DDX19B: variants seen among roughly 807,000 people sequenced by gnomAD.
DDX19B encodes ATP-dependent RNA helicase DDX19B.
In DDX19B, 27 loss-of-function variants were observed where a neutral mutation model predicts 58.1. The ratio of observed to expected loss-of-function variants is 0.46; its 90% CI spans 0.34 to 0.64. The LOEUF (loss-of-function observed/expected upper bound fraction) is 0.64. Among genes scored for constraint, DDX19B ranks in the 30% least tolerant of loss-of-function variants. DDX19B has a pLI of 0.01. For synonymous variants in DDX19B, 187 were observed against 214.4 expected (o/e 0.87, Z 1.12); for missense variants, 399 against 596.5 (o/e 0.67, Z 3.45).
intron 9 of DDX19B, 92 bp from the exon 10 acceptor site, chr16:70,331,630 T>C: frequency 4.7e-6 from 7 of 1,479,758 alleles, no homozygotes; most frequent in Non-Finnish European, 6.3e-6. Context: ...AGGGCCTTCA[T>C]GTATTTTAAT....
At chr16:70,303,564 T>G (rs1961582343) in intron 1 of DDX19B, among the ~76,000 whole-genome samples, 1 of 152,220 alleles carries the variant, frequency 6.6e-6, no homozygotes. Context: ...TTTGTTTGTT[T>G]GTTTGTTTTT....
At chr16:70,314,128 A>G (rs116151273) in intron 2 of DDX19B, among the ~76,000 whole-genome samples, 1,883 of 152,026 alleles carry the variant, frequency 0.012, 31 homozygotes, top group African/African-American at 0.043. Flanking sequence ...AAAAAAATTT[A>G]TATGCATGAA....
upstream of DDX19B, chr16:70,295,200 C>G (rs899116846): frequency 4.7e-6 from 3 of 631,952 alleles, no homozygotes; most frequent in Non-Finnish European, 6.6e-6. Flanking sequence ...CTTTGGAAAC[C>G]AGGTTCCTTC....
chr16:70,307,762 C>T (rs1294203476), intron 1 of DDX19B, among the ~76,000 whole-genome samples: 2 of 151,486 alleles, frequency 1.3e-5, no homozygotes, highest in African/African-American at 4.8e-5. Flanking sequence ...CTCATTCTGT[C>T]ACCCAGGCTG....
At chr16:70,323,384 G>T (rs1380413129) in intron 5 of DDX19B, among the ~76,000 whole-genome samples, 2 of 151,244 alleles carry the variant, frequency 1.3e-5, no homozygotes, top group African/African-American at 4.9e-5. Flanking sequence ...GAGATTGCAG[G>T]CATGAGCCAC....
chr16:70,292,249 T>C (rs905236916), upstream of DDX19B, among the ~76,000 whole-genome samples: 3 of 152,068 alleles, frequency 2.0e-5, no homozygotes, highest in Non-Finnish European at 4.4e-5. Flanking sequence ...AACATCTGCC[T>C]CCTGGCTCAG....
intron 8 of DDX19B, 85 bp from the exon 9 acceptor site, chr16:70,329,746 A>G (rs1310522307): frequency 3.8e-6 from 6 of 1,568,746 alleles, no homozygotes; most frequent in Non-Finnish European, 5.2e-6. Context: ...CTTCCTGGGC[A>G]TCTAGACCCT....
At chr16:70,298,354 C>A (rs189644098), upstream of DDX19B, among the ~76,000 whole-genome samples, 206 of 151,874 alleles carry the variant, frequency 1.4e-3, 5 homozygotes, top group African/African-American at 4.5e-3. Context: ...TGCAGTGAGC[C>A]GAAATCGTGC....
chr16:70,293,112 T>C (rs566653675), upstream of DDX19B, among the ~76,000 whole-genome samples: 9 of 149,292 alleles, frequency 6.0e-5, no homozygotes, highest in African/African-American at 2.2e-4. Flanking sequence ...ATTTAAAAAA[T>C]AATAAAAACA....
upstream of DDX19B, among the ~76,000 whole-genome samples, chr16:70,294,258 T>G (rs1236680791): frequency 6.6e-5 from 10 of 151,912 alleles, no homozygotes; most frequent in Admixed American, 2.0e-4. Flanking sequence ...ATTTTTTGTA[T>G]TTTTAGTAGA....
At chr16:70,297,964 C>A (rs142642890), upstream of DDX19B, among the ~76,000 whole-genome samples, 415 of 152,296 alleles carry the variant, frequency 2.7e-3, 1 homozygote, top group African/African-American at 9.4e-3. Context: ...AGCGATCCTC[C>A]CACCTCCACC....
At chr16:70,291,576 T>C (rs956605939), upstream of DDX19B, among the ~76,000 whole-genome samples, 5 of 151,820 alleles carry the variant, frequency 3.3e-5, no homozygotes, top group African/African-American at 1.2e-4. Flanking sequence ...TTGGGAGGCC[T>C]AGGCAGGCAG....
intron 7 of DDX19B, among the ~76,000 whole-genome samples, chr16:70,326,766 C>A (rs1963169300): frequency 6.6e-6 from 1 of 151,968 alleles, no homozygotes; most frequent in Admixed American, 6.6e-5. Context: ...AAACTCTTGA[C>A]CTCAGGTTAT....
At chr16:70,331,610 T>A in intron 9 of DDX19B, 112 bp from the exon 10 acceptor site, 1 of 1,397,874 alleles carries the variant, frequency 7.2e-7, no homozygotes. Context: ...ACCTCCTAAC[T>A]GGATTTAGCA....
chr16:70,314,436 G>A (rs1189968031), intron 2 of DDX19B, among the ~76,000 whole-genome samples: 2 of 152,150 alleles, frequency 1.3e-5, no homozygotes, highest in African/African-American at 4.8e-5. Flanking sequence ...GCCAAGGCAG[G>A]CGGATCACGA....
chr16:70,289,822 A>G (rs1597454392), upstream of DDX19B: 1 of 399,576 alleles, frequency 2.5e-6, no homozygotes, highest in African/African-American at 2.3e-5. Flanking sequence ...TCCTAACACC[A>G]CAATTGACAT....
At chr16:70,316,737 C>T (rs1014825934) in intron 4 of DDX19B, among the ~76,000 whole-genome samples, 4 of 152,160 alleles carry the variant, frequency 2.6e-5, no homozygotes, top group Non-Finnish European at 4.4e-5. Context: ...GCTGTACTAA[C>T]ATGTATTCAG....
chr16:70,333,488 G>C, intron 11 of DDX19B, 33 bp from the exon 12 acceptor site: 3 of 1,613,968 alleles, frequency 1.9e-6, no homozygotes, highest in Non-Finnish European at 1.7e-6. Context: ...CACATTCCTG[G>C]GCAGGGTAGA....
intron 7 of DDX19B, among the ~76,000 whole-genome samples, chr16:70,327,349 A>G (rs1382379433): frequency 1.3e-5 from 2 of 151,894 alleles, no homozygotes; most frequent in Non-Finnish European, 1.5e-5. Context: ...CCTGGCCAAC[A>G]TGGTGAAACC....
Sources: allele counts gnomAD v4.1 joint callset (sites outside exome capture counted in the v4.1 genomes callset), GRCh38; gene constraint gnomAD v4.1.1; transcripts MANE v1.5; gene names NCBI Gene and HGNC (gene_info 2026-07-23, HGNC 2026-07-21).